RDH13: variants seen among roughly 807,000 people sequenced by gnomAD.
RDH13 encodes retinol dehydrogenase 13, also known as retinol dehydrogenase 13 (all-trans and 9-cis).
Under a neutral mutation model 28.3 loss-of-function variants are expected in RDH13, and 35 were observed. That is an observed-to-expected ratio of 1.24 (90% CI 0.95 to 1.64). The LOEUF (loss-of-function observed/expected upper bound fraction) is 1.64. RDH13 is among the 40% of genes most tolerant of loss of function. The probability of loss-of-function intolerance (pLI) is 0.00; values close to 1 mark genes in which losing one functional copy is unlikely to be tolerated. For missense variants in RDH13, 514 were observed against 446.3 expected (o/e 1.15, Z -1.37); for synonymous variants, 229 against 198.5 (o/e 1.15, Z -1.29).
At chr19:55,057,849 G>A (rs185444590) in intron 2 of RDH13, among the ~76,000 whole-genome samples, 55 of 143,776 alleles carry the variant, frequency 3.8e-4, no homozygotes, top group African/African-American at 1.2e-3. Flanking sequence ...CTCTGCTGCC[G>A]CGGCTGGAGT....
At position 55,060,054 on chromosome 19, in the gene RDH13, G is replaced by A. The variant is rs563707947; in HGVS notation, c.66-779C>T. Among the ~76,000 whole-genome samples, 9 of 149,380 alleles carry A rather than the reference G, an allele frequency of 6.0e-5. No individual in the cohort carries two copies. The South Asian group carries it at 8.3e-4, about 14-fold the overall frequency. ...AGAGTATTGTCCAAGGTTTCTCCCC[G>A]TGGGATAGTCTGAAATATGGCCTCG... On this transcript the variant is annotated intron_variant, in intron 1 of 6. Transcript: ENST00000415061.
chr19:55,043,803 C>A (rs1013342513), downstream of RDH13, among the ~76,000 whole-genome samples: 1 of 152,186 alleles, frequency 6.6e-6, no homozygotes, highest in Non-Finnish European at 1.5e-5. Context: ...AGAGCCCCTT[C>A]ATCTCACCCT....
Position 55,050,032 on chromosome 19 carries a change from G to T in RDH13, c.341-1269C>A, listed in dbSNP as rs564652961. Among the ~76,000 whole-genome samples, 5 of 150,806 alleles carry T rather than the reference G, an allele frequency of 3.3e-5. No individual in the cohort carries two copies. In the South Asian group the frequency reaches 1.1e-3, roughly 32 times the overall value. On this transcript the variant is annotated intron_variant, in intron 3 of 6. Transcript: ENST00000415061. Reference sequence around the variant, plus strand: ...AGACATGGTCTCACTATGTTGCCCAGGCTGGTCTCAAACTCTTGAACTCAA... The same window carrying T: ...AGACATGGTCTCACTATGTTGCCCATGCTGGTCTCAAACTCTTGAACTCAA...
At chr19:55,068,779 T>A (rs1002009488) in intron 1 of RDH13, 7 of 140,040 alleles carry the variant, frequency 5.0e-5, no homozygotes, top group African/African-American at 1.9e-4. Flanking sequence ...GAGCTTGCAG[T>A]GAGCCGAGAT....
At chr19:55,039,830 TTC>T (rs2074973868), downstream of RDH13, 1 of 152,124 alleles carries the variant, frequency 6.6e-6, no homozygotes, top group Admixed American at 6.6e-5. Flanking sequence ...CAGAGCGAGA[TTC>T]TGTCTCCAAA....
chr19:55,052,063 CTTTTT>C (rs111427426), intron 3 of RDH13, among the ~76,000 whole-genome samples: 10 of 120,734 alleles, frequency 8.3e-5, no homozygotes, highest in Non-Finnish European at 1.2e-4. Flanking sequence ...ACTGCCTCAA[CTTTTT>C]TTTTTTTTTT....
chr19:55,043,410 G>A (rs1391475631), downstream of RDH13, among the ~76,000 whole-genome samples: 1 of 152,096 alleles, frequency 6.6e-6, no homozygotes, highest in Non-Finnish European at 1.5e-5. Context: ...AGGGCTGGGT[G>A]CACTGGCTCA....
At chr19:55,052,063 CTTTTTTTTTT>C (rs111427426) in intron 3 of RDH13, among the ~76,000 whole-genome samples, 10,313 of 120,740 alleles carry the variant, frequency 0.085, 550 homozygotes, top group East Asian at 0.21. Flanking sequence ...ACTGCCTCAA[CTTTTTTTTTT>C]TTTTTTTTTT....
chr19:55,062,952 G>T lies in RDH13; in HGVS notation c.65+16C>A, dbSNP rs766459659. The T allele has an allele frequency of 6.5e-5, 95 of 1,466,838 alleles. No individual in the cohort carries two copies. In the South Asian group the frequency reaches 1.1e-3, roughly 17 times the overall value. 90.9% of individuals were successfully genotyped at this position (1,466,838 alleles called of 1,614,324 possible). A position where few individuals can be genotyped will look rare whatever the true frequency, so the allele number is the denominator to read the frequency against. On this transcript the variant is annotated intron_variant, in intron 1 of 6. Transcript: ENST00000415061. The stretch of plus-strand genomic sequence containing the variant: ...GGCCCGCCTTGACCGCGCACGCGGG[G>T]CTAGAATGTACTCACTTGAGCAGCA...
rs140295364 is a variant in RDH13 at position 55,044,691 on chromosome 19, A to G, written c.*383T>C. 1.9e-4 allele frequency: 45 copies of G among 233,614 alleles called. No individual in the cohort carries two copies. The East Asian group carries it at 3.8e-3, about 20-fold the overall frequency. The allele number at this position is 233,614 out of a possible 1,614,324, so 14.5% of individuals were successfully genotyped here. On this transcript the variant is annotated 3_prime_UTR_variant, in exon 7 of 7. Transcript: ENST00000415061. ...TCCCACAGGGACCCAAGAATCCACC[A>G]AGTGTCAGACAACTTGCCCATGCTC...
chr19:55,053,657 GAAAA>G (rs35782389), intron 3 of RDH13: 4 of 131,928 alleles, frequency 3.0e-5, no homozygotes, highest in Non-Finnish European at 6.5e-5. Context: ...TACCGTCTCA[GAAAA>G]AAAAAAAAAC....
chr19:55,055,877 G>A (rs1038068455), intron 3 of RDH13, among the ~76,000 whole-genome samples: 3 of 151,222 alleles, frequency 2.0e-5, no homozygotes, highest in Non-Finnish European at 2.9e-5. Context: ...TTCAGGTAGG[G>A]CACGGTGGCT....
At position 55,062,983 on chromosome 19, in the gene RDH13, G is replaced by C. The variant is rs1173060186; in HGVS notation, c.50C>G (p.Ala17Gly). The change falls in exon 1 of 7, where the codon GCC (alanine) becomes GGC (glycine). Residue 17 changes from alanine to glycine, a missense_variant. Coordinates refer to ENST00000415061, the MANE Select transcript of RDH13 (RefSeq NM_001145971.2). ...PLSALGTVAG[A>G]AVLLKDYVTG... ...ATGTACTCACTTGAGCAGCACGGCG[G>C]CGCCTGCTACCGTGCCCAGCGCCGA... 1 of 1,478,316 alleles carries C rather than the reference G, an allele frequency of 6.8e-7. No homozygotes were observed. Among genetic ancestry groups the C allele is most frequent in the South Asian group, 1.3e-5 (1 of 74,884 alleles). 91.6% of individuals were successfully genotyped at this position (1,478,316 alleles called of 1,614,324 possible). A position where few individuals can be genotyped will look rare whatever the true frequency, so the allele number is the denominator to read the frequency against.
chr19:55,059,586 T>TGGGGGGGGGGGGGG (rs202150997), intron 1 of RDH13, among the ~76,000 whole-genome samples: 4 of 78,994 alleles, frequency 5.1e-5, no homozygotes, highest in Non-Finnish European at 9.7e-5. Flanking sequence ...GTTTTGGGGG[T>TGGGGGGGGGGGGGG]GGGGGGGGGC....
At chr19:55,054,297 TAGAAA>T (rs2075560467) in intron 3 of RDH13, among the ~76,000 whole-genome samples, 1 of 152,126 alleles carries the variant, frequency 6.6e-6, no homozygotes, top group African/African-American at 2.4e-5. Context: ...AGTGCCAGAC[TAGAAA>T]AGAAACAAAG....
upstream of RDH13, among the ~76,000 whole-genome samples, chr19:55,067,023 T>C (rs569255272): frequency 1.2e-4 from 19 of 152,326 alleles, no homozygotes; most frequent in African/African-American, 4.1e-4. Flanking sequence ...GATCCTTGTC[T>C]GAAGCCACTG....
intron 3 of RDH13, among the ~76,000 whole-genome samples, chr19:55,049,807 T>A (rs1289490199): frequency 8.8e-6 from 1 of 113,638 alleles, no homozygotes; most frequent in Admixed American, 9.3e-5. Flanking sequence ...AAAAAAAAAA[T>A]CACAGTCCCA....
upstream of RDH13, among the ~76,000 whole-genome samples, chr19:55,065,314 G>A (rs1222359545): frequency 6.6e-6 from 1 of 151,570 alleles, no homozygotes; most frequent in African/African-American, 2.4e-5. Context: ...AGCCCAGGAG[G>A]TCAAGGCTAT....
In RDH13 at chr19:55,048,354, G is replaced by C. The variant is rs760332692; in HGVS notation, c.633C>G (p.Thr211=). The C allele has an allele frequency of 4.3e-6, 7 of 1,614,178 alleles. No homozygotes were observed. The East Asian group carries it at 1.1e-4, about 26-fold the overall frequency. The stretch of plus-strand genomic sequence containing the variant: ...CTTGCAGCCGCCGGCTCAGCTCCTT[G>C]GTGAAGAGGACGATGGCGAGCTTGC... ...CQSKLAIVLF[T]KELSRRLQGS... The change falls in exon 5 of 7, where the codon ACC becomes ACG. Residue 211 remains threonine, a synonymous_variant. Coordinates refer to ENST00000415061, the MANE Select transcript of RDH13 (RefSeq NM_001145971.2).
Sources: allele counts gnomAD v4.1 joint callset (sites outside exome capture counted in the v4.1 genomes callset), GRCh38; gene constraint gnomAD v4.1.1; transcripts MANE v1.5; gene names NCBI Gene and HGNC (gene_info 2026-07-23, HGNC 2026-07-21).